The following DPP6 variants were observed in gnomAD, a reference collection of about 807,000 sequenced individuals.
DPP6 encodes dipeptidyl peptidase like 6.
Under a neutral mutation model 122.6 loss-of-function variants are expected in DPP6, and 69 were observed. That is an observed-to-expected ratio of 0.56 (90% CI 0.46 to 0.69). The LOEUF (loss-of-function observed/expected upper bound fraction) is 0.69. Ranked by LOEUF, DPP6 falls within the 30% of genes least tolerant of loss-of-function variation. The pLI, the probability that DPP6 is intolerant of heterozygous loss-of-function variation, is 0.00. For missense variants in DPP6, 928 were observed against 1,116.9 expected, an observed-to-expected ratio of 0.83 and a Z score of 2.41; for synonymous variants, 418 against 433.1, an observed-to-expected ratio of 0.97 and a Z score of 0.43.
At chr7:154,510,694 CAAA>C (rs67365097) in intron 3 of DPP6, among the ~76,000 whole-genome samples, 4 of 134,124 alleles carry the variant, frequency 3.0e-5, no homozygotes, top group African/African-American at 5.7e-5. Context: ...CCAGGTGTCT[CAAA>C]AAAAAAAAAA....
chr7:154,334,465 T>G (rs2151045232), intron 1 of DPP6, among the ~76,000 whole-genome samples: 1 of 152,376 alleles, frequency 6.6e-6, no homozygotes, highest in South Asian at 2.1e-4. Context: ...CCCTCACTTC[T>G]GCCATCAATG....
rs190454058 is a variant in DPP6 at position 153,945,295 on chromosome 7, T to G, written c.51+57561T>G. Among the ~76,000 whole-genome samples, 511 of 152,290 alleles carry G rather than the reference T, an allele frequency of 3.4e-3. 3 individuals carry two copies. The highest frequency in any genetic ancestry group is 0.012 in the African/African-American group (498 of 41,558). Reference sequence around the variant, plus strand: ...CAGGTCCATCTCCCTAGTTTTTCCCTCTACGGAAGTTCCCAGCCATGCCTG... The same window carrying G: ...CAGGTCCATCTCCCTAGTTTTTCCCGCTACGGAAGTTCCCAGCCATGCCTG... On this transcript the variant is annotated intron_variant, in intron 1 of 25. Coordinates refer to the DPP6 transcript ENST00000404039.
chr7:154,242,982 T>G (rs1458396347), intron 1 of DPP6, among the ~76,000 whole-genome samples: 1 of 152,120 alleles, frequency 6.6e-6, no homozygotes, highest in East Asian at 1.9e-4. Context: ...GGCATTCAGT[T>G]GAAACCTCAG....
intron 1 of DPP6, among the ~76,000 whole-genome samples, chr7:154,397,124 A>G (rs938018545): frequency 1.3e-5 from 2 of 150,390 alleles, no homozygotes; most frequent in African/African-American, 4.9e-5. Context: ...ATGTAAAATT[A>G]TAAGATAAAT....
At chr7:154,026,352 G>T (rs1398512316) in intron 1 of DPP6, 1 of 151,560 alleles carries the variant, frequency 6.6e-6, no homozygotes, top group Non-Finnish European at 1.5e-5. Flanking sequence ...ATATCCTTTT[G>T]CTGTAATATA....
intron 1 of DPP6, among the ~76,000 whole-genome samples, chr7:153,985,714 G>GA (rs71278473): frequency 6.6e-6 from 1 of 152,130 alleles, no homozygotes; most frequent in Non-Finnish European, 1.5e-5. Context: ...ATAACAGAGA[G>GA]AAAAGGAAAA....
rs117087839 is a variant in DPP6 at position 154,285,746 on chromosome 7, C to A, written c.244-160468C>A. On this transcript the variant is annotated intron_variant, in intron 1 of 25. Coordinates refer to ENST00000377770, the MANE Select transcript of DPP6 (RefSeq NM_130797.4). ...GAGAAAAGGTATTGATATCACAATG[C>A]AGAGGTGATCTTATTTTAATTTCAG... 4.2e-3 allele frequency among the ~76,000 whole-genome samples: 642 copies of A among 152,312 alleles called. 5 individuals carry two copies. Among genetic ancestry groups the A allele is most frequent in the Middle Eastern group, 0.024 (7 of 292 alleles).
At chr7:154,139,221 G>T (rs1226426003) in intron 1 of DPP6, among the ~76,000 whole-genome samples, 6 of 147,576 alleles carry the variant, frequency 4.1e-5, no homozygotes, top group Non-Finnish European at 7.5e-5. Context: ...GGGGAAGCTG[G>T]CAGTGTGGCT....
At chr7:153,786,003 ATG>A in the DPP6 span, among the ~76,000 whole-genome samples, 5 of 152,102 alleles carry the variant, frequency 3.3e-5, no homozygotes, top group Non-Finnish European at 7.4e-5. Context: ...GTTATTTCAA[ATG>A]TAATAGTTTA....
At chr7:154,484,184 A>G (rs769927642) in intron 3 of DPP6, among the ~76,000 whole-genome samples, 2 of 152,164 alleles carry the variant, frequency 1.3e-5, no homozygotes, top group African/African-American at 2.4e-5. Flanking sequence ...GGGAAAGGTT[A>G]ATTCCAGAAG....
intron 5 of DPP6, among the ~76,000 whole-genome samples, chr7:154,585,592 AGT>A (rs1288505950): frequency 1.3e-5 from 2 of 152,206 alleles, no homozygotes; most frequent in Non-Finnish European, 1.5e-5. Flanking sequence ...TAGGTAAAAT[AGT>A]GTAGTATTTC....
intron 1 of DPP6, among the ~76,000 whole-genome samples, chr7:154,335,441 T>A (rs1460338113): frequency 6.6e-6 from 1 of 152,272 alleles, no homozygotes; most frequent in Admixed American, 6.5e-5. Flanking sequence ...ACCATTAATA[T>A]GATTTGTCAG....
intron 1 of DPP6, among the ~76,000 whole-genome samples, chr7:154,177,886 A>G (rs1212584040): frequency 6.6e-6 from 1 of 152,214 alleles, no homozygotes; most frequent in East Asian, 1.9e-4. Context: ...TGTCTTTGTC[A>G]TGGACAGGGG....
intron 1 of DPP6, among the ~76,000 whole-genome samples, chr7:154,156,866 T>G: frequency 9.9e-6 from 1 of 100,760 alleles, no homozygotes; most frequent in Non-Finnish European, 1.9e-5. Context: ...CAGAGTAATA[T>G]AATAAATTTG....
chr7:154,755,163 A>AAAT lies in DPP6; in HGVS notation c.884-14253_884-14252insATA, dbSNP rs1462623117. Among the ~76,000 whole-genome samples the AAAT allele has an allele frequency of 2.6e-5, 4 of 151,728 alleles. No homozygotes were observed. Among genetic ancestry groups the AAAT allele is most frequent in the African/African-American group, 9.7e-5 (4 of 41,270 alleles). The stretch of plus-strand genomic sequence containing the variant: ...TAAAATAAATTAAAAAAAAAAAAAA[A>AAAT]AGAAACTGAACACATGTCAGGAGCT... On this transcript the variant is annotated intron_variant, in intron 8 of 25. Transcript: ENST00000377770. The surrounding 1 kb of genome is among the most constrained non-coding windows in gnomAD (Gnocchi z 4.7).
chr7:153,836,828 C>T, the DPP6 span, among the ~76,000 whole-genome samples: 1 of 152,138 alleles, frequency 6.6e-6, no homozygotes, highest in Non-Finnish European at 1.5e-5. Flanking sequence ...GGGCTCTGCC[C>T]CATGAACAAT....
At chr7:154,680,693 T>A (rs144297414) in intron 7 of DPP6, among the ~76,000 whole-genome samples, 8 of 90,638 alleles carry the variant, frequency 8.8e-5, no homozygotes, top group African/African-American at 1.9e-4. Context: ...TATATTTTTT[T>A]TAAAAAAAAA....
intron 1 of DPP6, among the ~76,000 whole-genome samples, chr7:153,889,906 T>A (rs2128992899): frequency 6.6e-6 from 1 of 152,354 alleles, no homozygotes; most frequent in Non-Finnish European, 1.5e-5. Flanking sequence ...GCTGTGTAAC[T>A]TATTTGAATT....
chr7:153,934,883 G>A (rs1353459734), intron 1 of DPP6, among the ~76,000 whole-genome samples: 1 of 152,220 alleles, frequency 6.6e-6, no homozygotes, highest in Non-Finnish European at 1.5e-5. Context: ...CAGGTCACAT[G>A]AGCCGACACT....
Sources: allele counts gnomAD v4.1 joint callset (sites outside exome capture counted in the v4.1 genomes callset), GRCh38; gene constraint gnomAD v4.1.1; non-coding constraint Gnocchi (gnomAD v3.1); transcripts MANE v1.5; gene names NCBI Gene and HGNC (gene_info 2026-07-23, HGNC 2026-07-21).